The following ZNF18 variants were observed in gnomAD, a reference collection of about 807,000 sequenced individuals.
ZNF18 encodes the protein zinc finger protein 18.
ZNF18 carries 42 observed loss-of-function variants against 58.1 expected under a neutral mutation model. That is an observed-to-expected ratio of 0.72 (90% CI 0.56 to 0.93). The LOEUF is 0.93. Ranked by LOEUF, ZNF18 falls within the 40% of genes least tolerant of loss-of-function variation. ZNF18 has a pLI of 0.00. For synonymous variants in ZNF18, 231 were observed against 239.8 expected, an observed-to-expected ratio of 0.96 and a Z score of 0.34; for missense variants, 540 against 644.2, an observed-to-expected ratio of 0.84 and a Z score of 1.75.
the ZNF18 span, chr17:12,009,116 T>C: frequency 6.6e-6 from 1 of 152,228 alleles, no homozygotes; most frequent in Non-Finnish European, 1.5e-5. Flanking sequence ...TCTTCAGGGT[T>C]ATACTCACTT....
chr17:12,020,108 C>G, the ZNF18 span, among the ~76,000 whole-genome samples: 1 of 152,114 alleles, frequency 6.6e-6, no homozygotes, highest in Non-Finnish European at 1.5e-5. Flanking sequence ...ATGACTACGG[C>G]TCGTCTTATA....
chr17:11,989,743 C>T (rs1212164692), intron 4 of ZNF18, among the ~76,000 whole-genome samples: 1 of 149,386 alleles, frequency 6.7e-6, no homozygotes, highest in Non-Finnish European at 1.5e-5. Flanking sequence ...AGATCAGATA[C>T]TATAAAAGAA....
the ZNF18 span, chr17:12,020,985 C>G: frequency 2.5e-6 from 3 of 1,211,920 alleles, no homozygotes; most frequent in Non-Finnish European, 3.1e-6. Flanking sequence ...GCCACCCGGC[C>G]GTCAGCAGCA....
At chr17:12,012,491 G>C in the ZNF18 span, among the ~76,000 whole-genome samples, 4 of 152,116 alleles carry the variant, frequency 2.6e-5, no homozygotes, top group African/African-American at 9.7e-5. Flanking sequence ...TATAATTTCT[G>C]GGTTAAAGGG....
At position 11,978,587 on chromosome 17, in the gene ZNF18, T is replaced by G. The variant is rs1301497400; in HGVS notation, c.1020A>C (p.Gly340=). The G allele has an allele frequency of 6.2e-7, 1 of 1,614,104 alleles. No homozygotes were observed. The highest frequency in any genetic ancestry group is 8.5e-7 in the Non-Finnish European group (1 of 1,180,014). ...TTTGCAGAGCCTCAGGGAGATTCTCTCCTTCTCCAAAGCATCCTGGCTCAT... is the reference window on the plus strand; with the variant it reads ...TTTGCAGAGCCTCAGGGAGATTCTCGCCTTCTCCAAAGCATCCTGGCTCAT... ...TEDEPGCFGE[G]ENLPEALQNI... is the part of the protein sequence containing the mutation. The change falls in exon 7 of 7, where the codon GGA becomes GGC. Residue 340 remains glycine (G), a synonymous_variant. Coordinates refer to ENST00000580306, the MANE Select transcript of ZNF18 (RefSeq NM_001303281.2).
chr17:11,992,307 T>G (rs1374826407), intron 2 of ZNF18, 136 bp downstream of exon 2: 2 of 1,148,002 alleles, frequency 1.7e-6, no homozygotes, highest in Non-Finnish European at 2.4e-6. Flanking sequence ...TGTTAGAGAA[T>G]CACAGAATTG....
intron 6 of ZNF18, among the ~76,000 whole-genome samples, chr17:11,981,111 T>C (rs1967313315): frequency 6.6e-6 from 1 of 152,126 alleles, no homozygotes; most frequent in Non-Finnish European, 1.5e-5. Flanking sequence ...AGTCCAGATT[T>C]GGTAAACTGG....
At chr17:12,001,822 A>G (rs534659091), upstream of ZNF18, among the ~76,000 whole-genome samples, 165 of 152,238 alleles carry the variant, frequency 1.1e-3, 1 homozygote, top group African/African-American at 3.9e-3. Context: ...TTATTCATGA[A>G]TTAAAACTAA....
intron 5 of ZNF18, 28 bp from the exon 6 acceptor site, chr17:11,983,435 C>T: frequency 6.4e-7 from 1 of 1,565,144 alleles, no homozygotes; most frequent in Non-Finnish European, 8.8e-7. Context: ...TATGGTGGGC[C>T]TGGATGAATA....
intron 1 of ZNF18, chr17:11,996,780 G>T (rs1222777982): frequency 6.6e-6 from 1 of 152,098 alleles, no homozygotes; most frequent in East Asian, 1.9e-4. Context: ...TATTAAGCTC[G>T]GTTCATGTAT....
At chr17:11,993,848 A>AAAAAAAAAG in intron 1 of ZNF18, among the ~76,000 whole-genome samples, 1 of 146,388 alleles carries the variant, frequency 6.8e-6, no homozygotes, top group East Asian at 2.0e-4. Flanking sequence ...AAAAAAAAAA[A>AAAAAAAAAG]AGAGGGTTGA....
At chr17:11,988,007 A>T (rs1376815188) in intron 4 of ZNF18, among the ~76,000 whole-genome samples, 2 of 152,168 alleles carry the variant, frequency 1.3e-5, no homozygotes, top group Non-Finnish European at 2.9e-5. Context: ...GGCAAGTCCC[A>T]AGAGGAGTTC....
At chr17:12,011,116 C>G in the ZNF18 span, 1 of 662,454 alleles carries the variant, frequency 1.5e-6, no homozygotes, top group Non-Finnish European at 2.8e-6. Context: ...ATAATATCAC[C>G]TTTCTTCTAG....
intron 5 of ZNF18, 58 bp downstream of exon 5, chr17:11,984,055 T>C: frequency 2.0e-6 from 3 of 1,486,348 alleles, no homozygotes; most frequent in Non-Finnish European, 2.8e-6. Context: ...GCATGGAAAA[T>C]GCCTCACAGT....
chr17:11,996,851 A>C (rs1968501216), intron 1 of ZNF18: 1 of 152,226 alleles, frequency 6.6e-6, no homozygotes, highest in Admixed American at 6.5e-5. Flanking sequence ...CACAAGTGGC[A>C]GCCAGATTAA....
chr17:12,016,968 G>A, the ZNF18 span, among the ~76,000 whole-genome samples: 278 of 152,120 alleles, frequency 1.8e-3, 4 homozygotes, highest in African/African-American at 6.1e-3. Flanking sequence ...AGACCAAGGC[G>A]GGTGGACCAC....
chr17:11,998,998 A>G (rs1293759449), upstream of ZNF18, among the ~76,000 whole-genome samples: 2 of 152,110 alleles, frequency 1.3e-5, no homozygotes, highest in Non-Finnish European at 1.5e-5. Context: ...CATTCATGTG[A>G]TTGATGGCGC....
chr17:11,979,964 T>C (rs1468621287), intron 6 of ZNF18, among the ~76,000 whole-genome samples: 6 of 152,218 alleles, frequency 3.9e-5, no homozygotes, highest in Admixed American at 1.3e-4. Context: ...AATTTGCTTA[T>C]TGTGTTTTTG....
upstream of ZNF18, among the ~76,000 whole-genome samples, chr17:12,002,065 A>G (rs1287126981): frequency 1.3e-5 from 2 of 152,216 alleles, no homozygotes; most frequent in African/African-American, 4.8e-5. Flanking sequence ...AGAAAACAAA[A>G]TAAAACTGCA....
Sources: allele counts gnomAD v4.1 joint callset (sites outside exome capture counted in the v4.1 genomes callset), GRCh38; gene constraint gnomAD v4.1.1; transcripts MANE v1.5; gene names NCBI Gene and HGNC (gene_info 2026-07-23, HGNC 2026-07-21).